Variants in TFCP2 observed in about 807,000 individuals in gnomAD.
TFCP2 encodes alpha-globin transcription factor CP2.
A neutral mutation model predicts 73.4 loss-of-function variants in TFCP2; 33 were observed. The observed-to-expected ratio is 0.45, with a 90% CI of 0.34 to 0.60. The LOEUF (loss-of-function observed/expected upper bound fraction) is 0.60. Ranked by LOEUF, TFCP2 falls within the 20% of genes least tolerant of loss-of-function variation. The pLI is 0.01. For synonymous variants in TFCP2, 193 were observed against 211.6 expected (o/e 0.91, Z 0.76); for missense variants, 352 against 604.0 (o/e 0.58, Z 4.37).
rs747418942 is a variant in TFCP2, at chr12:51,098,872, T to C, written c.1323A>G (p.Thr441=). The part of the protein sequence containing the change: ...YLEELTAVEL[T]EKIAQLFSIS... The stretch of plus-strand genomic sequence containing the variant: ...TGCTGAAAAGCTGAGCAATTTTTTC[T>C]GTCAATTCAACAGCTGTTAGTTCTT... The change falls in exon 13 of 15, where the codon ACA becomes ACG. Residue 441 remains threonine, a synonymous_variant. Coordinates refer to ENST00000257915, the MANE Select transcript of TFCP2 (RefSeq NM_005653.5). The C allele has an allele frequency of 3.2e-5, 51 of 1,614,076 alleles. No individual in the cohort carries two copies. The highest frequency in any genetic ancestry group is 4.3e-5 in the Non-Finnish European group (51 of 1,180,050).
At chr12:51,160,525 G>A (rs1941626475) in intron 1 of TFCP2, among the ~76,000 whole-genome samples, 1 of 152,048 alleles carries the variant, frequency 6.6e-6, no homozygotes, top group Non-Finnish European at 1.5e-5. Context: ...CACTTACAAA[G>A]GGTTCTTTCT....
At chr12:51,161,656 G>C (rs989545014) in intron 1 of TFCP2, among the ~76,000 whole-genome samples, 12 of 147,480 alleles carry the variant, frequency 8.1e-5, no homozygotes, top group Non-Finnish European at 1.5e-4. Flanking sequence ...CTCCAGCCCA[G>C]GCAACAGAGT....
At chr12:51,110,636 A>G (rs1247513716) in intron 5 of TFCP2, among the ~76,000 whole-genome samples, 2 of 152,202 alleles carry the variant, frequency 1.3e-5, no homozygotes, top group Non-Finnish European at 2.9e-5. Flanking sequence ...CAACCAAGAA[A>G]TGAAATATTA....
At chr12:51,101,160 C>T (rs1468169549) in intron 11 of TFCP2, among the ~76,000 whole-genome samples, 1 of 152,036 alleles carries the variant, frequency 6.6e-6, no homozygotes, top group African/African-American at 2.4e-5. Flanking sequence ...AAAAAATTAG[C>T]TGGGCATGGT....
chr12:51,096,160 A>G, intron 13 of TFCP2, 120 bp from the exon 14 acceptor site: 1 of 704,552 alleles, frequency 1.4e-6, no homozygotes, highest in South Asian at 2.2e-5. Context: ...ACAGGTCACA[A>G]ATAATGTATT....
At chr12:51,135,765 A>T (rs1941048699) in intron 1 of TFCP2, among the ~76,000 whole-genome samples, 1 of 152,064 alleles carries the variant, frequency 6.6e-6, no homozygotes, top group Non-Finnish European at 1.5e-5. Flanking sequence ...ATCTTTTTAT[A>T]GCAAGACTTG....
chr12:51,170,974 G>A (rs1009957412), intron 1 of TFCP2, among the ~76,000 whole-genome samples: 6 of 152,166 alleles, frequency 3.9e-5, no homozygotes, highest in East Asian at 3.9e-4. Context: ...CACCGTGCCC[G>A]GCCTGAAGTA....
intron 9 of TFCP2, 49 bp downstream of exon 9, chr12:51,104,106 A>G: frequency 6.4e-7 from 1 of 1,569,008 alleles, no homozygotes; most frequent in Non-Finnish European, 8.8e-7. Flanking sequence ...GACAGTCATC[A>G]AAGTATTACC....
At chr12:51,154,490 T>C (rs543681809) in intron 1 of TFCP2, among the ~76,000 whole-genome samples, 1 of 152,290 alleles carries the variant, frequency 6.6e-6, no homozygotes, top group African/African-American at 2.4e-5. Flanking sequence ...GATCAGGAGT[T>C]CGAGACCAGC....
In TFCP2 at chr12:51,096,056, A is replaced by G. The variant is rs1420093041; in HGVS notation, c.1420-16T>C. The G allele has an allele frequency of 6.2e-7, 1 of 1,610,230 alleles. No individual in the cohort carries two copies. The highest frequency in any genetic ancestry group is 8.5e-7 in the Non-Finnish European group (1 of 1,177,202). Reference sequence around the variant, plus strand: ...TCTGTATCATCTGAAAAATGCAAGAAAATTTGTGATTATTTAAATGAAAAA... The same window carrying G: ...TCTGTATCATCTGAAAAATGCAAGAGAATTTGTGATTATTTAAATGAAAAA... On this transcript the variant is annotated splice_polypyrimidine_tract_variant and intron_variant, in intron 13 of 14. Coordinates refer to ENST00000257915, the MANE Select transcript of TFCP2 (RefSeq NM_005653.5).
intron 1 of TFCP2, among the ~76,000 whole-genome samples, chr12:51,165,370 C>T (rs2137048913): frequency 6.6e-6 from 1 of 151,774 alleles, no homozygotes; most frequent in South Asian, 2.1e-4. Flanking sequence ...GGAAATCAAT[C>T]AATGTGATAC....
chr12:51,095,236 C>T lies in TFCP2; in HGVS notation c.*5G>A. Reference sequence around the variant, plus strand: ...AGCAGCCACTGGGCACGAAACGCCGCACTCCTACTTCAGTATGATATGATA... The same window carrying T: ...AGCAGCCACTGGGCACGAAACGCCGTACTCCTACTTCAGTATGATATGATA... On this transcript the variant is annotated 3_prime_UTR_variant, in exon 15 of 15. Coordinates refer to ENST00000257915, the MANE Select transcript of TFCP2 (RefSeq NM_005653.5). The T allele has an allele frequency of 6.2e-7, 1 of 1,614,046 alleles. No homozygotes were observed. The highest frequency in any genetic ancestry group is 1.1e-5 in the South Asian group (1 of 91,076).
At position 51,095,171 on chromosome 12, in the gene TFCP2, A is replaced by G. The variant is rs970735031; in HGVS notation, c.*70T>C. On this transcript the variant is annotated 3_prime_UTR_variant, in exon 15 of 15. Coordinates refer to ENST00000257915, the MANE Select transcript of TFCP2 (RefSeq NM_005653.5). Reference sequence around the variant, plus strand: ...TGCAGACCTTCAAATCTCCATTCATATCCCCCTTCAAGAGGGCCGTTTTCA... The same window carrying G: ...TGCAGACCTTCAAATCTCCATTCATGTCCCCCTTCAAGAGGGCCGTTTTCA... 22 of 1,511,564 alleles carry G rather than the reference A, an allele frequency of 1.5e-5. No individual in the cohort carries two copies. The Admixed American group carries it at 3.3e-4, about 23-fold the overall frequency. The allele number at this position is 1,511,564 out of a possible 1,614,324, so 93.6% of individuals were successfully genotyped here. A position where few individuals can be genotyped will look rare whatever the true frequency, so the allele number is the denominator to read the frequency against.
intron 1 of TFCP2, among the ~76,000 whole-genome samples, chr12:51,145,068 G>A (rs978586231): frequency 5.3e-5 from 8 of 152,056 alleles, no homozygotes; most frequent in African/African-American, 1.9e-4. Flanking sequence ...GGGCATGGTG[G>A]TGGGCGCCTG....
chr12:51,134,173 C>T (rs151330782), intron 1 of TFCP2, among the ~76,000 whole-genome samples: 51 of 152,240 alleles, frequency 3.3e-4, no homozygotes, highest in African/African-American at 1.1e-3. Flanking sequence ...AAACACCATT[C>T]GTATTAGGTA....
intron 1 of TFCP2, chr12:51,124,961 G>C: frequency 1.3e-6 from 1 of 748,802 alleles, no homozygotes; most frequent in South Asian, 1.4e-5. Context: ...TAAGGTCGTT[G>C]CTCACCTGCC....
intron 4 of TFCP2, among the ~76,000 whole-genome samples, chr12:51,113,350 T>A (rs1364383875): frequency 6.6e-6 from 1 of 152,222 alleles, no homozygotes; most frequent in Non-Finnish European, 1.5e-5. Context: ...AGTGACTGCA[T>A]GTGTATTTGT....
chr12:51,145,586 A>AAG (rs1165956858), intron 1 of TFCP2, among the ~76,000 whole-genome samples: 1 of 150,884 alleles, frequency 6.6e-6, no homozygotes, highest in East Asian at 1.9e-4. Context: ...AAAAAAAAAA[A>AAG]AAAAAAAGAT....
intron 1 of TFCP2, among the ~76,000 whole-genome samples, chr12:51,148,524 A>T (rs1174328589): frequency 6.6e-6 from 1 of 150,834 alleles, no homozygotes; most frequent in Non-Finnish European, 1.5e-5. Flanking sequence ...ATATGGTGAA[A>T]CTCCATTTCT....
Sources: gnomAD v4.1 joint callset for allele counts (sites outside exome capture counted in the v4.1 genomes callset) on GRCh38, gnomAD v4.1.1 for gene constraint, MANE v1.5 for transcripts, NCBI Gene and HGNC (gene_info 2026-07-23, HGNC 2026-07-21) for gene names.